Variants in FGFR2 observed in about 807,000 individuals in gnomAD.
FGFR2 encodes fibroblast growth factor receptor 2.
Under a neutral mutation model 95.9 loss-of-function variants are expected in FGFR2, and 19 were observed. That is an observed-to-expected ratio of 0.20 (90% CI 0.14 to 0.29). The LOEUF is 0.29. Among genes scored for constraint, FGFR2 ranks in the 10% least tolerant of loss-of-function variants. The pLI, the probability that FGFR2 is intolerant of heterozygous loss-of-function variation, is 1.00. For synonymous variants in FGFR2, 392 were observed against 393.3 expected, an observed-to-expected ratio of 1.00 and a Z score of 0.04; for missense variants, 707 against 1,056.9, an observed-to-expected ratio of 0.67 and a Z score of 4.59.
intron 2 of FGFR2, among the ~76,000 whole-genome samples, chr10:121,570,815 T>G (rs1858542771): frequency 6.6e-6 from 1 of 152,232 alleles, no homozygotes; most frequent in Admixed American, 6.5e-5. Context: ...CTAAAACTGG[T>G]AAACAAACAA....
Position 121,551,352 on chromosome 10 carries a change from T to C in FGFR2, c.562A>G (p.Thr188Ala), listed in dbSNP as rs1352732939. 4 of 1,614,242 alleles carry C rather than the reference T, an allele frequency of 2.5e-6. No individual in the cohort carries two copies. In the South Asian group the frequency reaches 4.4e-5, roughly 18 times the overall value. ...TTCCCGTTTTTCAGCCACCGCATGG[T>C]TGGCATTGGGTTCCCCCCGGCTGGG... ...RCPAGGNPMP[T>A]MRWLKNGKEF... is the part of the protein sequence containing the mutation. Residue 188 changes from threonine (T) to alanine (A), a missense_variant, in exon 5 of 18, where the codon ACC (threonine) becomes GCC (alanine). Transcript: ENST00000358487.
chr10:121,501,016 C>T (rs2134015917), intron 10 of FGFR2, 69 bp from the exon 11 acceptor site: 2 of 1,603,412 alleles, frequency 1.2e-6, no homozygotes. Flanking sequence ...AATTCCAGAA[C>T]TAAATATAAA....
At position 121,479,421 on chromosome 10, in the gene FGFR2, T is replaced by C; in HGVS notation, c.*436A>G. 1 of 371,494 alleles carries C rather than the reference T, an allele frequency of 2.7e-6. No homozygotes were observed. The highest frequency in any genetic ancestry group is 4.6e-6 in the Non-Finnish European group (1 of 215,514). The allele number at this position is 371,494 out of a possible 1,614,324, so 23.0% of individuals were successfully genotyped here. On this transcript the variant is annotated 3_prime_UTR_variant, in exon 18 of 18. Coordinates refer to ENST00000358487, the MANE Select transcript of FGFR2 (RefSeq NM_000141.5). ...TAAAATCAATACAAAAAATAACTCC[T>C]TGTAAATATATAATATATATTTATA...
At position 121,496,634 on chromosome 10, in the gene FGFR2, G is replaced by T; in HGVS notation, c.1761C>A (p.Ser587=). Residue 587 remains serine (S), a synonymous_variant, in exon 13 of 18, where the codon TCC becomes TCA. Transcript: ENST00000358487. The part of the protein sequence containing the change: ...RARRPPGMEY[S]YDINRVPEEQ... Reference sequence around the variant, plus strand: ...CCTCAGGAACACGGTTAATGTCATAGGAGTACTCCATCCCGGGTGGCCTCC... The same window carrying T: ...CCTCAGGAACACGGTTAATGTCATATGAGTACTCCATCCCGGGTGGCCTCC... The T allele has an allele frequency of 6.2e-7, 1 of 1,612,782 alleles. No individual in the cohort carries two copies. The highest frequency in any genetic ancestry group is 8.5e-7 in the Non-Finnish European group (1 of 1,179,916).
intron 6 of FGFR2, among the ~76,000 whole-genome samples, chr10:121,533,610 T>A (rs1279506993): frequency 1.3e-5 from 2 of 152,216 alleles, no homozygotes; most frequent in African/African-American, 4.8e-5. Flanking sequence ...GCAACTAGTC[T>A]TTTAAGGTCC....
At chr10:121,529,265 C>G (rs543434385) in intron 6 of FGFR2, among the ~76,000 whole-genome samples, 2 of 152,104 alleles carry the variant, frequency 1.3e-5, no homozygotes, top group African/African-American at 4.8e-5. Flanking sequence ...CACAACACCA[C>G]GCCTGGCTAA....
intron 13 of FGFR2, among the ~76,000 whole-genome samples, chr10:121,495,949 T>G (rs1846739626): frequency 6.6e-6 from 1 of 152,168 alleles, no homozygotes; most frequent in South Asian, 2.1e-4. Flanking sequence ...CCACGGTAAG[T>G]GGCACGCCTG....
rs536974247 is a variant in FGFR2 at position 121,568,948 on chromosome 10, C to T, written c.110-3244G>A. Reference sequence around the variant, plus strand: ...CGAGAAGAGGATGAAGCCCTGAGTTCCCACGCCTCTCCATTCCTGCTTAAC... The same window carrying T: ...CGAGAAGAGGATGAAGCCCTGAGTTTCCACGCCTCTCCATTCCTGCTTAAC... On this transcript the variant is annotated intron_variant, in intron 2 of 17. Coordinates refer to ENST00000358487, the MANE Select transcript of FGFR2 (RefSeq NM_000141.5). Among the ~76,000 whole-genome samples, 36 of 152,248 alleles carry T rather than the reference C, an allele frequency of 2.4e-4. No individual in the cohort carries two copies. The South Asian group carries it at 6.9e-3, about 29-fold the overall frequency.
intron 13 of FGFR2, among the ~76,000 whole-genome samples, chr10:121,494,986 C>T (rs1846587245): frequency 6.6e-6 from 1 of 152,176 alleles, no homozygotes; most frequent in Non-Finnish European, 1.5e-5. Context: ...CCCACTTTTA[C>T]ACTTAGGAAT....
At chr10:121,572,346 C>A (rs1858937302) in intron 2 of FGFR2, among the ~76,000 whole-genome samples, 1 of 152,040 alleles carries the variant, frequency 6.6e-6, no homozygotes, top group South Asian at 2.1e-4. Flanking sequence ...GTAGCCCAGG[C>A]ACAGTGGCTC....
At chr10:121,489,221 T>G (rs1190054576) in intron 13 of FGFR2, among the ~76,000 whole-genome samples, 1 of 152,050 alleles carries the variant, frequency 6.6e-6, no homozygotes, top group Non-Finnish European at 1.5e-5. Context: ...TACAGGTGCC[T>G]GCCACCACAC....
At chr10:121,553,648 T>C (rs186621588) in intron 4 of FGFR2, among the ~76,000 whole-genome samples, 12 of 152,356 alleles carry the variant, frequency 7.9e-5, no homozygotes, top group African/African-American at 2.4e-5. Context: ...GTAAACACAA[T>C]AGCCTATTCA....
Position 121,486,607 on chromosome 10 carries a change from A to T in FGFR2, c.2057+747T>A, listed in dbSNP as rs148918999. Among the ~76,000 whole-genome samples, 206 of 152,222 alleles carry T rather than the reference A, an allele frequency of 1.4e-3. 3 individuals carry two copies. The highest frequency in any genetic ancestry group is 6.8e-3 in the Middle Eastern group (2 of 294). ...CAGACACGCATAACTACGCCCAGCT[A>T]ATTTTTGTAGTTTTAGTAGAGACGG... On this transcript the variant is annotated intron_variant, in intron 15 of 17. Transcript: ENST00000358487.
At position 121,518,672 on chromosome 10, in the gene FGFR2, G is replaced by C. The variant is rs1850033029; in HGVS notation, c.940-1209C>G. The C allele has an allele frequency of 1.9e-5, 30 of 1,614,140 alleles. No homozygotes were observed. Among genetic ancestry groups the C allele is most frequent in the Non-Finnish European group, 2.5e-5 (30 of 1,180,006 alleles). The stretch of plus-strand genomic sequence containing the variant: ...TTTTTAAAAAAAGACAAAAATGAAA[G>C]CATTGTTACCTTGCTGTTTTGGCAG... On this transcript the variant is annotated intron_variant, in intron 7 of 17. Transcript: ENST00000358487. This position sits in a 1 kb window ranked among gnomAD's most constrained non-coding sequence, Gnocchi z 4.0.
At chr10:121,548,089 C>T (rs1334461274) in intron 5 of FGFR2, among the ~76,000 whole-genome samples, 1 of 152,028 alleles carries the variant, frequency 6.6e-6, no homozygotes, top group Admixed American at 6.6e-5. Context: ...GTGAAAAGCC[C>T]TTGATCAACC....
chr10:121,541,293 G>A (rs1272688712), intron 5 of FGFR2, among the ~76,000 whole-genome samples: 2 of 152,142 alleles, frequency 1.3e-5, no homozygotes, highest in Non-Finnish European at 2.9e-5. Context: ...TTTATGAGCT[G>A]TAGCATTTTC....
chr10:121,493,529 C>T (rs751349212), intron 13 of FGFR2, among the ~76,000 whole-genome samples: 16 of 152,284 alleles, frequency 1.1e-4, no homozygotes, highest in Admixed American at 1.3e-4. Flanking sequence ...CTCTGTGCTC[C>T]GTGTCCTGAT....
At chr10:121,571,644 A>G (rs1017006024) in intron 2 of FGFR2, among the ~76,000 whole-genome samples, 13 of 143,236 alleles carry the variant, frequency 9.1e-5, no homozygotes, top group African/African-American at 3.3e-4. Flanking sequence ...ACAAACAAAC[A>G]AACAAACAAA....
Position 121,593,942 on chromosome 10 carries a change from A to AGGCGCT in FGFR2, c.-131_-126dup, listed in dbSNP as rs1863069278. Reference sequence around the variant, plus strand: ...CAGCCTGCGGTGGGCTCAGGAACCGAGGCGCTGCCGCTGCTGCTGCAGTCA... The same window carrying AGGCGCT: ...CAGCCTGCGGTGGGCTCAGGAACCGAGGCGCTGGCGCTGCCGCTGCTGCTGCAGTCA... On this transcript the variant is annotated 5_prime_UTR_variant, in exon 2 of 18. Transcript: ENST00000358487. The AGGCGCT allele has an allele frequency of 2.3e-6, 2 of 856,690 alleles. No homozygotes were observed. Among genetic ancestry groups the AGGCGCT allele is most frequent in the Admixed American group, 1.9e-5 (1 of 51,438 alleles). The allele number at this position is 856,690 out of a possible 1,614,324, so 53.1% of individuals were successfully genotyped here.
Sources: gnomAD v4.1 joint callset for allele counts (sites outside exome capture counted in the v4.1 genomes callset) on GRCh38, gnomAD v4.1.1 for gene constraint, Gnocchi (gnomAD v3.1) non-coding constraint, MANE v1.5 for transcripts, NCBI Gene and HGNC (gene_info 2026-07-23, HGNC 2026-07-21) for gene names.